Variants in TTC34 observed in about 807,000 individuals in gnomAD.
TTC34 encodes tetratricopeptide repeat protein 34.
Under a neutral mutation model 40.7 loss-of-function variants are expected in TTC34, and 44 were observed. The observed-to-expected ratio is 1.08, with a 90% CI of 0.85 to 1.39. The LOEUF is 1.39. TTC34 is among the 40% of genes most tolerant of loss of function. The pLI, the probability that TTC34 is intolerant of heterozygous loss-of-function variation, is 0.00. For synonymous variants in TTC34, 422 were observed against 398.6 expected, an observed-to-expected ratio of 1.06 and a Z score of -0.70; for missense variants, 884 against 838.0, an observed-to-expected ratio of 1.05 and a Z score of -0.68.
exon 9 of TTC34, chr1:2,640,055 A>AGACC (rs1456959252): frequency 3.3e-5 from 5 of 152,290 alleles, no homozygotes; most frequent in African/African-American, 1.2e-4. Flanking sequence ...CAGGGGGTCT[A>AGACC]TCTGTGGGTT....
chr1:2,675,072 T>C (rs1403218855), intron 6 of TTC34, among the ~76,000 whole-genome samples: 111 of 52,786 alleles, frequency 2.1e-3, no homozygotes, highest in Non-Finnish European at 3.2e-3. Context: ...TCAGGAGCAG[T>C]GCCCACACAC....
intron 6 of TTC34, among the ~76,000 whole-genome samples, chr1:2,749,487 C>CAG (rs1641247594): frequency 2.9e-5 from 1 of 34,868 alleles, no homozygotes; most frequent in African/African-American, 1.3e-4. Context: ...CCCACATCCC[C>CAG]AGGTGAGCAT....
chr1:2,693,601 C>A (rs1376630721), intron 6 of TTC34, among the ~76,000 whole-genome samples: 1 of 59,382 alleles, frequency 1.7e-5, no homozygotes, highest in Admixed American at 1.7e-4. Flanking sequence ...AGGTGAACAT[C>A]GGAGAGTCTG....
At chr1:2,748,852 C>A (rs1477192384) in intron 6 of TTC34, among the ~76,000 whole-genome samples, 1 of 122,444 alleles carries the variant, frequency 8.2e-6, no homozygotes, top group Non-Finnish European at 1.7e-5. Flanking sequence ...CCCAGGTGAG[C>A]ATCTGATGCT....
intron 2 of TTC34, among the ~76,000 whole-genome samples, chr1:2,791,517 C>T (rs181366491): frequency 2.0e-5 from 3 of 152,288 alleles, no homozygotes; most frequent in Admixed American, 6.5e-5. Context: ...GAAGCAAAGC[C>T]GCTGCGGTCA....
At chr1:2,757,952 C>A (rs1445259032) in intron 6 of TTC34, among the ~76,000 whole-genome samples, 204 of 139,572 alleles carry the variant, frequency 1.5e-3, no homozygotes, top group African/African-American at 5.6e-3. Context: ...AGCGCGCACA[C>A]CCCCAGGTGA....
chr1:2,783,842 C>A, intron 5 of TTC34, 67 bp from the exon 6 acceptor site: 1 of 1,350,154 alleles, frequency 7.4e-7, no homozygotes, highest in South Asian at 2.0e-5. Context: ...TCTATCCTGC[C>A]CAGCCCGGGG....
intron 6 of TTC34, among the ~76,000 whole-genome samples, chr1:2,686,259 C>A (rs1343533963): frequency 1.4e-5 from 2 of 146,198 alleles, no homozygotes; most frequent in African/African-American, 5.3e-5. Flanking sequence ...GAGCATCTGA[C>A]AGCGTGGAGG....
chr1:2,648,106 C>A (rs1340434952), intron 6 of TTC34, among the ~76,000 whole-genome samples: 1 of 152,030 alleles, frequency 6.6e-6, no homozygotes, highest in Non-Finnish European at 1.5e-5. Flanking sequence ...TTAAAAGCCC[C>A]TGTGTGTAAA....
At chr1:2,800,224 C>T (rs1643756640) in exon 2 of TTC34, 2 of 398,410 alleles carry the variant, frequency 5.0e-6, no homozygotes, top group African/African-American at 2.1e-5. Flanking sequence ...GCACTGTGCC[C>T]AGCCTCCGGG....
intron 6 of TTC34, among the ~76,000 whole-genome samples, chr1:2,750,710 T>G (rs1641290572): frequency 1.4e-5 from 2 of 143,978 alleles, no homozygotes; most frequent in South Asian, 2.3e-4. Flanking sequence ...TCCGACAGCC[T>G]GGAGCAGCAC....
At chr1:2,653,352 G>T (rs201146960) in intron 6 of TTC34, among the ~76,000 whole-genome samples, 6,447 of 115,528 alleles carry the variant, frequency 0.056, no homozygotes, top group South Asian at 0.15. Flanking sequence ...CTGACAGCCT[G>T]GAACAGCACC....
intron 6 of TTC34, among the ~76,000 whole-genome samples, chr1:2,699,942 A>G (rs1641052908): frequency 1.3e-5 from 1 of 76,072 alleles, no homozygotes; most frequent in Admixed American, 1.5e-4. Flanking sequence ...CACCCAGGTA[A>G]GCATCTGACA....
chr1:2,752,981 G>T (rs1274143863), intron 6 of TTC34, among the ~76,000 whole-genome samples: 3 of 139,442 alleles, frequency 2.2e-5, no homozygotes, highest in South Asian at 2.3e-4. Flanking sequence ...ATACCCCCAG[G>T]TGAGCATCTG....
At chr1:2,641,272 C>T in exon 9 of TTC34, 1 of 1,376,456 alleles carries the variant, frequency 7.3e-7, no homozygotes, top group Non-Finnish European at 9.5e-7. Context: ...CAGGTACCTC[C>T]CCGATTTAGG....
chr1:2,783,334 C>T lies in TTC34; in HGVS notation c.2226+275G>A, dbSNP rs1643516214. Among the ~76,000 whole-genome samples, 3 of 152,240 alleles carry T rather than the reference C, an allele frequency of 2.0e-5. No homozygotes were observed. The South Asian group carries it at 6.2e-4, about 31-fold the overall frequency. ...CTGCATGCACTGAGCATTATCTAAGCTGGGGAGGACCCCTAGTACCTCTGA... is the reference window on the plus strand; with the variant it reads ...CTGCATGCACTGAGCATTATCTAAGTTGGGGAGGACCCCTAGTACCTCTGA... On this transcript the variant is annotated intron_variant, in intron 6 of 8. Transcript: ENST00000401095.
At chr1:2,767,367 G>C (rs1641797887) in intron 6 of TTC34, among the ~76,000 whole-genome samples, 1 of 114,578 alleles carries the variant, frequency 8.7e-6, no homozygotes, top group African/African-American at 3.4e-5. Context: ...CTCACTTCCA[G>C]GTGAGCATCC....
chr1:2,786,137 C>A, intron 4 of TTC34, 114 bp from the exon 5 acceptor site: 1 of 992,758 alleles, frequency 1.0e-6, no homozygotes. Context: ...CAGGGTCCAC[C>A]TGGTGCCAAC....
exon 8 of TTC34, chr1:2,644,431 C>T: frequency 1.3e-6 from 2 of 1,536,030 alleles, no homozygotes; most frequent in South Asian, 1.2e-5. Flanking sequence ...GACGTTGGGG[C>T]ACGGTGCAGG....
Sources: gnomAD v4.1 joint callset for allele counts (sites outside exome capture counted in the v4.1 genomes callset) on GRCh38, gnomAD v4.1.1 for gene constraint, MANE v1.5 for transcripts, NCBI Gene and HGNC (gene_info 2026-07-23, HGNC 2026-07-21) for gene names.